CWH43: variants seen among roughly 807,000 people sequenced by gnomAD.
The protein encoded by CWH43 is cell wall biogenesis 43 C-terminal homolog.
A neutral mutation model predicts 85.7 loss-of-function variants in CWH43; 91 were observed. That is an observed-to-expected ratio of 1.06 (90% CI 0.90 to 1.26). CWH43 has a LOEUF of 1.26. CWH43 is among the 50% of genes most tolerant of loss of function. The probability of loss-of-function intolerance (pLI) is 0.00; values close to 1 mark genes in which losing one functional copy is unlikely to be tolerated. For missense variants in CWH43, 869 were observed against 839.2 expected, an observed-to-expected ratio of 1.04 and a Z score of -0.44; for synonymous variants, 323 against 293.6, an observed-to-expected ratio of 1.10 and a Z score of -1.02.
intron 14 of CWH43, among the ~76,000 whole-genome samples, chr4:49,048,437 G>A (rs1189953072): frequency 6.6e-6 from 1 of 151,572 alleles, no homozygotes; most frequent in East Asian, 1.9e-4. Flanking sequence ...ATTTATTTAT[G>A]TATGAATTTA....
At chr4:49,059,013 C>A (rs1022246434) in intron 15 of CWH43, among the ~76,000 whole-genome samples, 1 of 152,098 alleles carries the variant, frequency 6.6e-6, no homozygotes, top group Non-Finnish European at 1.5e-5. Flanking sequence ...TCTTCCTCTC[C>A]AAATTTGGAA....
intron 12 of CWH43, among the ~76,000 whole-genome samples, chr4:49,033,758 A>T (rs1407166021): frequency 7.9e-5 from 12 of 152,244 alleles, no homozygotes; most frequent in African/African-American, 2.7e-4. Context: ...ACATAAAAGT[A>T]TGTAACTTAT....
At chr4:49,011,369 G>A (rs954888626) in intron 8 of CWH43, among the ~76,000 whole-genome samples, 1 of 152,026 alleles carries the variant, frequency 6.6e-6, no homozygotes, top group African/African-American at 2.4e-5. Flanking sequence ...GCCCATGTGT[G>A]TGTGCATGCA....
At chr4:49,050,040 A>T (rs1375064115) in intron 14 of CWH43, among the ~76,000 whole-genome samples, 2 of 152,340 alleles carry the variant, frequency 1.3e-5, no homozygotes, top group Non-Finnish European at 1.5e-5. Context: ...CCATATATAT[A>T]CATATGTGCT....
intron 9 of CWH43, 93 bp downstream of exon 9, chr4:49,017,421 G>A: frequency 1.2e-6 from 1 of 853,984 alleles, no homozygotes; most frequent in East Asian, 2.6e-5. Context: ...ACCTGGATCT[G>A]ATGACTTCAG....
At chr4:49,030,530 G>A (rs189234795) in intron 10 of CWH43, among the ~76,000 whole-genome samples, 71 of 152,308 alleles carry the variant, frequency 4.7e-4, no homozygotes, top group African/African-American at 1.6e-3. Flanking sequence ...GGATATTTGA[G>A]AAATGCATTA....
At chr4:49,021,157 TG>T (rs1577680495) in intron 9 of CWH43, among the ~76,000 whole-genome samples, 1 of 152,170 alleles carries the variant, frequency 6.6e-6, no homozygotes, top group East Asian at 1.9e-4. Context: ...GTTTTTCCAA[TG>T]TCGTATTCTA....
intron 15 of CWH43, among the ~76,000 whole-genome samples, chr4:49,058,780 C>T (rs1785048612): frequency 6.6e-6 from 1 of 152,130 alleles, no homozygotes; most frequent in Non-Finnish European, 1.5e-5. Context: ...TTGAATACAT[C>T]ATCTCAATTT....
chr4:49,060,905 T>A (rs1785135999), intron 15 of CWH43, among the ~76,000 whole-genome samples: 1 of 152,202 alleles, frequency 6.6e-6, no homozygotes, highest in African/African-American at 2.4e-5. Context: ...TGCGTATATC[T>A]GTGTGTATAT....
At chr4:49,047,702 C>A (rs530160187) in intron 14 of CWH43, among the ~76,000 whole-genome samples, 2 of 151,592 alleles carry the variant, frequency 1.3e-5, no homozygotes, top group African/African-American at 4.8e-5. Flanking sequence ...GAGGGGCGGC[C>A]GAGGAGGGAA....
intron 15 of CWH43, among the ~76,000 whole-genome samples, chr4:49,055,468 T>A (rs995441564): frequency 1.3e-5 from 2 of 152,214 alleles, no homozygotes; most frequent in African/African-American, 4.8e-5. Context: ...TATCATTTTC[T>A]TGTAGCATCC....
intron 6 of CWH43, among the ~76,000 whole-genome samples, chr4:49,001,371 T>C (rs1027675825): frequency 7.9e-5 from 12 of 152,086 alleles, no homozygotes; most frequent in Admixed American, 7.2e-4. Flanking sequence ...TCTTTGATGT[T>C]GTACAGATTT....
At chr4:49,007,449 C>A in intron 8 of CWH43, 123 bp downstream of exon 8, 2 of 1,195,074 alleles carry the variant, frequency 1.7e-6, no homozygotes, top group South Asian at 2.4e-5. Flanking sequence ...CAACATTTTG[C>A]CATGTTGTTA....
At chr4:49,050,673 C>T (rs770637883) in intron 14 of CWH43, 21 bp from the exon 15 acceptor site, 2 of 1,597,286 alleles carry the variant, frequency 1.3e-6, no homozygotes. Context: ...CTGTTACAAA[C>T]CATTTCTGTT....
chr4:49,044,748 T>A, intron 13 of CWH43, 38 bp from the exon 14 acceptor site: 1 of 1,571,470 alleles, frequency 6.4e-7, no homozygotes, highest in African/African-American at 1.4e-5. Flanking sequence ...AGCTTTGCTT[T>A]TTATGCTTTA....
chr4:49,040,300 A>G (rs2109822940), intron 13 of CWH43, among the ~76,000 whole-genome samples: 1 of 152,336 alleles, frequency 6.6e-6, no homozygotes, highest in Admixed American at 6.5e-5. Context: ...TTCTAGTTCT[A>G]GATTCCTGAG....
chr4:49,015,296 C>T (rs185063305), intron 8 of CWH43, among the ~76,000 whole-genome samples: 23 of 151,382 alleles, frequency 1.5e-4, no homozygotes, highest in Non-Finnish European at 3.1e-4. Context: ...CCTCCCCACT[C>T]CTCTTTCTAG....
intron 13 of CWH43, among the ~76,000 whole-genome samples, chr4:49,040,749 T>G (rs981237192): frequency 2.6e-5 from 4 of 152,330 alleles, no homozygotes; most frequent in African/African-American, 9.6e-5. Flanking sequence ...TTAGTTTAAT[T>G]AGATCCCATT....
chr4:48,987,649 C>T (rs1460276608), intron 1 of CWH43, among the ~76,000 whole-genome samples: 2 of 152,186 alleles, frequency 1.3e-5, no homozygotes, highest in Non-Finnish European at 2.9e-5. Flanking sequence ...ACAGATGGTA[C>T]ATGTTAATAC....
Sources: gnomAD v4.1 joint callset for allele counts (sites outside exome capture counted in the v4.1 genomes callset) on GRCh38, gnomAD v4.1.1 for gene constraint, MANE v1.5 for transcripts, NCBI Gene and HGNC (gene_info 2026-07-23, HGNC 2026-07-21) for gene names.